The following DACH2 variants were observed in gnomAD, a reference collection of about 807,000 sequenced individuals.
DACH2 encodes the protein dachshund family transcription factor 2, also known as dachshund homolog 2.
Under a neutral mutation model 35.8 loss-of-function variants are expected in DACH2, and 17 were observed. The ratio of observed to expected loss-of-function variants is 0.48; its 90% confidence interval spans 0.33 to 0.71. The LOEUF (loss-of-function observed/expected upper bound fraction) is 0.71, where lower values mean the gene tolerates loss of function less well. Ranked by LOEUF, DACH2 falls within the 30% of genes least tolerant of loss-of-function variation. The pLI, the probability that DACH2 is intolerant of heterozygous loss-of-function variation, is 0.02. For missense variants in DACH2, 469 were observed against 472.7 expected (o/e 0.99, Z 0.07); for synonymous variants, 195 against 177.3 (o/e 1.10, Z -0.79).
intron 4 of DACH2, among the ~76,000 whole-genome samples, chrX:86,678,879 G>T (rs1162804030): frequency 8.9e-6 from 1 of 111,734 alleles, no homozygotes; most frequent in African/African-American, 3.3e-5. Flanking sequence ...GAATTCAATT[G>T]CATGAACACA....
chrX:86,237,710 T>C lies in DACH2; in HGVS notation c.488+88602T>C, dbSNP rs139520265. On this transcript the variant is annotated intron_variant, in intron 1 of 11. Transcript: ENST00000373125. The stretch of plus-strand genomic sequence containing the variant: ...GGTGTGTGAGTGAGTGAGCATGGGG[T>C]CTGGCCACTGCACATGGCTGGGCAT... 2.7e-5 allele frequency among the ~76,000 whole-genome samples: 3 copies of C among 111,434 alleles called. No individual in the cohort carries two copies. The South Asian group carries it at 1.1e-3, about 43-fold the overall frequency.
intron 1 of DACH2, among the ~76,000 whole-genome samples, chrX:86,201,090 G>A (rs977167571): frequency 2.7e-5 from 3 of 111,483 alleles, no homozygotes; most frequent in Non-Finnish European, 3.8e-5. Flanking sequence ...TAAATATCAT[G>A]GAATACTATG....
intron 1 of DACH2, among the ~76,000 whole-genome samples, chrX:86,240,290 C>T (rs2033137014): frequency 9.0e-6 from 1 of 110,709 alleles, no homozygotes; most frequent in Admixed American, 9.7e-5. Context: ...TTGGGTGGAT[C>T]AGCAAGTAGA....
chrX:86,463,678 A>G (rs1177946181), intron 2 of DACH2, among the ~76,000 whole-genome samples: 1 of 111,866 alleles, frequency 8.9e-6, no homozygotes, highest in Non-Finnish European at 1.9e-5. Context: ...GACAAATAGG[A>G]TCTAGTCAAA....
chrX:86,566,858 C>T (rs991655323), intron 3 of DACH2, among the ~76,000 whole-genome samples: 2 of 111,484 alleles, frequency 1.8e-5, no homozygotes, highest in African/African-American at 6.5e-5. Flanking sequence ...CCTTATTTTG[C>T]AGATGAAGAA....
At chrX:86,661,784 T>C (rs2040607835) in intron 4 of DACH2, among the ~76,000 whole-genome samples, 2 of 112,242 alleles carry the variant, frequency 1.8e-5, no homozygotes, top group African/African-American at 6.5e-5. Context: ...CCAAAGTGAA[T>C]TTTGTACATT....
intron 2 of DACH2, among the ~76,000 whole-genome samples, chrX:86,483,670 A>G (rs752515442): frequency 9.4e-4 from 104 of 110,672 alleles, no homozygotes; most frequent in African/African-American, 3.2e-3. Context: ...CTGTCTCTAC[A>G]AAAAATACAA....
At chrX:86,822,895 A>G (rs1026457092) in intron 11 of DACH2, among the ~76,000 whole-genome samples, 4 of 111,902 alleles carry the variant, frequency 3.6e-5, no homozygotes, top group African/African-American at 9.7e-5. Flanking sequence ...TACTAAACTC[A>G]CTTCACTCTG....
intron 11 of DACH2, among the ~76,000 whole-genome samples, chrX:86,817,436 C>T (rs1264976259): frequency 1.1e-4 from 12 of 110,977 alleles, no homozygotes; most frequent in African/African-American, 3.9e-4. Context: ...AGATGAATAG[C>T]CTGAAGCATT....
chrX:86,736,416 C>T (rs2041596978), intron 6 of DACH2, among the ~76,000 whole-genome samples: 1 of 111,447 alleles, frequency 9.0e-6, no homozygotes. Context: ...ACATAATATG[C>T]TGCTGAAAAT....
chrX:86,196,102 CAT>C (rs1177860522), intron 1 of DACH2, among the ~76,000 whole-genome samples: 4 of 111,115 alleles, frequency 3.6e-5, no homozygotes, highest in African/African-American at 1.3e-4. Context: ...GCTGAAATGA[CAT>C]AAACAGAATT....
rs1387866996 is a variant in DACH2, at chrX:86,624,056, AAAAC to A, written c.641-26976_641-26973del. 7.5e-4 allele frequency among the ~76,000 whole-genome samples: 40 copies of A among 53,521 alleles called. 6 individuals carry two copies. The highest frequency in any genetic ancestry group is 2.9e-3 in the African/African-American group (33 of 11,455). The allele number at this position is 53,521 out of a possible 115,157, so 46.5% of individuals were successfully genotyped here. A position where few individuals can be genotyped will look rare whatever the true frequency, so the allele number is the denominator to read the frequency against. On this transcript the variant is annotated intron_variant, in intron 3 of 11. Transcript: ENST00000373125. The stretch of plus-strand genomic sequence containing the variant: ...GAGCGAAACTCCGTCTCAAAAAAAC[AAAAC>A]AAAAAAAAAAAAAAAAAAAAAAGTG...
chrX:86,525,212 G>A (rs916855710), intron 3 of DACH2, among the ~76,000 whole-genome samples: 15 of 111,110 alleles, frequency 1.4e-4, no homozygotes, highest in African/African-American at 4.6e-4. Flanking sequence ...AAAACCCTGG[G>A]TATTAAAAAT....
chrX:86,607,726 C>T (rs2039877634), intron 3 of DACH2, among the ~76,000 whole-genome samples: 1 of 94,230 alleles, frequency 1.1e-5, no homozygotes, highest in Non-Finnish European at 2.1e-5. Flanking sequence ...GTATATCTCC[C>T]AGTGCTATCC....
chrX:86,731,765 C>A (rs932087187), intron 6 of DACH2, among the ~76,000 whole-genome samples: 1 of 111,783 alleles, frequency 8.9e-6, no homozygotes, highest in East Asian at 2.8e-4. Context: ...GGAAAATACA[C>A]CTGGCTAAGC....
At chrX:86,453,571 C>G (rs2037421323) in intron 2 of DACH2, among the ~76,000 whole-genome samples, 1 of 99,314 alleles carries the variant, frequency 1.0e-5, no homozygotes, top group East Asian at 2.9e-4. Context: ...AGGTAATGTC[C>G]CTGTTTGTCT....
intron 1 of DACH2, among the ~76,000 whole-genome samples, chrX:86,236,087 G>T (rs909125990): frequency 9.1e-6 from 1 of 110,371 alleles, no homozygotes; most frequent in South Asian, 3.9e-4. Context: ...GAGGCAAATC[G>T]TGCCACTGCA....
At chrX:86,499,153 T>C (rs1233840441) in intron 2 of DACH2, among the ~76,000 whole-genome samples, 1 of 112,449 alleles carries the variant, frequency 8.9e-6, no homozygotes, top group African/African-American at 3.2e-5. Flanking sequence ...GATTTGAAGC[T>C]GTCTATCTTC....
At chrX:86,599,265 G>T (rs948518365) in intron 3 of DACH2, among the ~76,000 whole-genome samples, 1 of 110,480 alleles carries the variant, frequency 9.1e-6, no homozygotes, top group Non-Finnish European at 1.9e-5. Context: ...TGGAGTTGGG[G>T]GTAAGGAGGG....
Sources: allele counts gnomAD v4.1 joint callset (sites outside exome capture counted in the v4.1 genomes callset), GRCh38; gene constraint gnomAD v4.1.1; transcripts MANE v1.5; gene names NCBI Gene and HGNC (gene_info 2026-07-23, HGNC 2026-07-21).